The following SORCS1 variants were observed in gnomAD, a reference collection of about 807,000 sequenced individuals.
SORCS1 encodes VPS10 domain-containing receptor SorCS1.
In SORCS1, 60 loss-of-function variants were observed where a neutral mutation model predicts 146.1. The ratio of observed to expected loss-of-function variants is 0.41; its 90% confidence interval spans 0.33 to 0.51. The LOEUF (loss-of-function observed/expected upper bound fraction) is 0.51, where lower values mean the gene tolerates loss of function less well. SORCS1 is among the 20% of genes least tolerant of loss of function. The pLI is 0.21. For synonymous variants in SORCS1, 637 were observed against 584.0 expected, an observed-to-expected ratio of 1.09 and a Z score of -1.31; for missense variants, 1,352 against 1,487.6, an observed-to-expected ratio of 0.91 and a Z score of 1.50.
At chr10:106,665,310 A>G (rs189007966) in intron 17 of SORCS1, among the ~76,000 whole-genome samples, 251 of 151,626 alleles carry the variant, frequency 1.7e-3, no homozygotes, top group Non-Finnish European at 3.0e-3. Flanking sequence ...TTTGTCAAGT[A>G]AAACTGGCTG....
chr10:107,009,509 T>C (rs958723483), intron 1 of SORCS1, among the ~76,000 whole-genome samples: 2 of 152,234 alleles, frequency 1.3e-5, no homozygotes, highest in Admixed American at 1.3e-4. Flanking sequence ...AAATAGAATA[T>C]AGTTTTTAGT....
chr10:106,744,888 A>G (rs535420304), intron 5 of SORCS1, among the ~76,000 whole-genome samples: 245 of 152,288 alleles, frequency 1.6e-3, no homozygotes, highest in Middle Eastern at 3.4e-3. Flanking sequence ...GCTCAGAACT[A>G]CTGGGTGAGA....
intron 2 of SORCS1, among the ~76,000 whole-genome samples, chr10:106,913,090 G>T (rs1049607522): frequency 1.4e-5 from 2 of 146,424 alleles, no homozygotes; most frequent in Non-Finnish European, 3.0e-5. Flanking sequence ...AAAAAAAAAC[G>T]CAAGGCTTAC....
chr10:106,880,576 T>G (rs1218443768), intron 2 of SORCS1, among the ~76,000 whole-genome samples: 2 of 152,194 alleles, frequency 1.3e-5, no homozygotes, highest in Non-Finnish European at 2.9e-5. Context: ...CTCAGAAATC[T>G]ATAGTCTAAT....
intron 1 of SORCS1, among the ~76,000 whole-genome samples, chr10:107,018,395 C>T (rs1589942242): frequency 6.6e-6 from 1 of 151,110 alleles, no homozygotes; most frequent in Admixed American, 6.6e-5. Flanking sequence ...ACCGTGTTAG[C>T]CAGGATGGTC....
At chr10:106,689,721 A>G (rs972725433) in intron 9 of SORCS1, among the ~76,000 whole-genome samples, 1 of 152,232 alleles carries the variant, frequency 6.6e-6, no homozygotes, top group Non-Finnish European at 1.5e-5. Context: ...AGAAACTGAG[A>G]TCACAGAAAG....
chr10:106,607,054 G>C, intron 23 of SORCS1, 112 bp downstream of exon 23: 4 of 1,406,556 alleles, frequency 2.8e-6, no homozygotes, highest in Middle Eastern at 1.9e-4. Flanking sequence ...ATGTGCTTTT[G>C]GTGAAGCTGT....
At chr10:107,014,812 A>T (rs553012191) in intron 1 of SORCS1, among the ~76,000 whole-genome samples, 77 of 152,326 alleles carry the variant, frequency 5.1e-4, no homozygotes, top group Non-Finnish European at 8.4e-4. Flanking sequence ...CACCACATAA[A>T]CTTATTGCAT....
chr10:106,794,973 CT>C (rs1232828052), intron 3 of SORCS1, among the ~76,000 whole-genome samples: 1 of 152,202 alleles, frequency 6.6e-6, no homozygotes. Flanking sequence ...CTCACACGAC[CT>C]TAGGAAATCA....
chr10:106,868,119 A>G (rs2900715), intron 2 of SORCS1, among the ~76,000 whole-genome samples: 146,757 of 152,266 alleles, frequency 0.96, 70,958 homozygotes, highest in East Asian at 1. Flanking sequence ...ATTACATCAT[A>G]GTAAAGGGTT....
chr10:106,997,755 A>G (rs911848665), intron 1 of SORCS1, among the ~76,000 whole-genome samples: 18 of 152,262 alleles, frequency 1.2e-4, no homozygotes, highest in African/African-American at 4.1e-4. Flanking sequence ...ACAACAACAA[A>G]AGACAGTAAA....
At chr10:106,854,941 T>C (rs1452786148) in intron 2 of SORCS1, among the ~76,000 whole-genome samples, 3 of 152,180 alleles carry the variant, frequency 2.0e-5, no homozygotes, top group African/African-American at 7.2e-5. Flanking sequence ...TTGTGGTACA[T>C]TCACTTATTC....
chr10:106,872,962 CAGG>C (rs1463281403), intron 2 of SORCS1, among the ~76,000 whole-genome samples: 1 of 152,074 alleles, frequency 6.6e-6, no homozygotes, highest in Non-Finnish European at 1.5e-5. Context: ...ATCACAAGGT[CAGG>C]AGTTCGAGAC....
intron 1 of SORCS1, among the ~76,000 whole-genome samples, chr10:107,067,779 T>C (rs535634774): frequency 6.6e-6 from 1 of 152,334 alleles, no homozygotes; most frequent in East Asian, 1.9e-4. Context: ...TTCAGTTTCC[T>C]CATCAGTGAA....
At chr10:106,946,560 T>C (rs1378832698) in intron 2 of SORCS1, among the ~76,000 whole-genome samples, 1 of 152,234 alleles carries the variant, frequency 6.6e-6, no homozygotes, top group Admixed American at 6.5e-5. Context: ...CTTCCATCAT[T>C]TTACACCATG....
At chr10:106,850,256 C>A (rs1230700197) in intron 2 of SORCS1, among the ~76,000 whole-genome samples, 1 of 152,028 alleles carries the variant, frequency 6.6e-6, no homozygotes, top group Non-Finnish European at 1.5e-5. Flanking sequence ...GGTGGAGGAC[C>A]CTCCGAGCCA....
chr10:106,939,724 G>C (rs1338856455), intron 2 of SORCS1, among the ~76,000 whole-genome samples: 1 of 152,230 alleles, frequency 6.6e-6, no homozygotes, highest in Non-Finnish European at 1.5e-5. Flanking sequence ...CCTTTGGAAG[G>C]AGGAGAAGAG....
rs1844520123 is a variant in SORCS1, at chr10:106,575,046, C to G, written c.*2374G>C. 6.6e-6 allele frequency: 1 copy of G among 152,640 alleles called. No individual in the cohort carries two copies. The highest frequency in any genetic ancestry group is 2.4e-5 in the African/African-American group (1 of 41,454). The allele number at this position is 152,640 out of a possible 1,614,324, so 9.5% of individuals were successfully genotyped here. The stretch of plus-strand genomic sequence containing the variant: ...AGTGTTATACCTCTTTCATACTTTT[C>G]TAATTAAAATGAATTGAACTGCAAC... On this transcript the variant is annotated 3_prime_UTR_variant, in exon 26 of 26. Coordinates refer to ENST00000263054, the MANE Select transcript of SORCS1 (RefSeq NM_052918.5).
intron 5 of SORCS1, among the ~76,000 whole-genome samples, chr10:106,745,474 G>A (rs79412533): frequency 0.014 from 2,085 of 151,970 alleles, 30 homozygotes; most frequent in African/African-American, 0.045. Context: ...ATCTAGAATT[G>A]AGCTTATTCA....
Sources: allele counts gnomAD v4.1 joint callset (sites outside exome capture counted in the v4.1 genomes callset), GRCh38; gene constraint gnomAD v4.1.1; transcripts MANE v1.5; gene names NCBI Gene and HGNC (gene_info 2026-07-23, HGNC 2026-07-21).